The following USP13 variants were observed in gnomAD, a reference collection of about 807,000 sequenced individuals.
USP13 encodes ubiquitin specific peptidase 13, also known as ubiquitin carboxyl-terminal hydrolase 13.
USP13 carries 68 observed loss-of-function variants against 107.8 expected under a neutral mutation model. The observed-to-expected ratio is 0.63, with a 90% CI of 0.52 to 0.77. The LOEUF is 0.77. Ranked by LOEUF, USP13 falls within the 30% of genes least tolerant of loss-of-function variation. USP13 has a pLI of 0.00. For synonymous variants in USP13, 377 were observed against 389.5 expected, an observed-to-expected ratio of 0.97 and a Z score of 0.38; for missense variants, 945 against 1,093.3, an observed-to-expected ratio of 0.86 and a Z score of 1.91.
chr3:179,745,097 C>G lies in USP13; in HGVS notation c.1589C>G (p.Pro530Arg). 1 of 1,614,094 alleles carries G rather than the reference C, an allele frequency of 6.2e-7. No individual in the cohort carries two copies. The highest frequency in any genetic ancestry group is 8.5e-7 in the Non-Finnish European group (1 of 1,180,032). The change falls in exon 13 of 21, where the codon CCC (proline) becomes CGC (arginine). Residue 530 changes from proline (P) to arginine (R), a missense_variant. By Grantham distance (103) the Pro-to-Arg change is moderately radical. Transcript: ENST00000263966. ...TRREAEANRR[P>R]LPELVRAKIP... is the part of the protein sequence containing the mutation. Reference sequence around the variant, plus strand: ...AGGGAAGCAGAAGCAAACAGAAGACCCCTTCCTGAGTTGGTACGTGCCAAG... The same window carrying G: ...AGGGAAGCAGAAGCAAACAGAAGACGCCTTCCTGAGTTGGTACGTGCCAAG...
chr3:179,772,801 G>A (rs567715711), intron 19 of USP13, among the ~76,000 whole-genome samples: 11 of 152,338 alleles, frequency 7.2e-5, no homozygotes, highest in African/African-American at 2.6e-4. Flanking sequence ...CATTGTAACC[G>A]AGAGACTGGT....
intron 17 of USP13, among the ~76,000 whole-genome samples, chr3:179,762,527 G>C (rs1273304174): frequency 6.6e-6 from 1 of 152,194 alleles, no homozygotes; most frequent in Non-Finnish European, 1.5e-5. Flanking sequence ...GTTGCAGTGA[G>C]CTGAGATCAC....
At chr3:179,696,711 C>T in intron 3 of USP13, among the ~76,000 whole-genome samples, 1 of 151,956 alleles carries the variant, frequency 6.6e-6, no homozygotes. Flanking sequence ...GAGAGTTCAG[C>T]TAGAAAGGGA....
chr3:179,682,247 G>A (rs1336205640), intron 2 of USP13, among the ~76,000 whole-genome samples: 18 of 145,498 alleles, frequency 1.2e-4, no homozygotes, highest in Admixed American at 1.4e-4. Context: ...TGACTAATTG[G>A]AAAAAAAAAA....
chr3:179,664,780 C>T (rs1720540090), intron 1 of USP13, among the ~76,000 whole-genome samples: 1 of 152,122 alleles, frequency 6.6e-6, no homozygotes, highest in Non-Finnish European at 1.5e-5. Flanking sequence ...TAGTATGTGC[C>T]TCATGTGGTA....
chr3:179,736,105 G>A lies in USP13; in HGVS notation c.1255-4142G>A, dbSNP rs1044305647. Reference sequence around the variant, plus strand: ...ATTAACAACCATCCCTTAGTATCACGAATACCTAGTCCATCTTCTGATTTT... The same window carrying A: ...ATTAACAACCATCCCTTAGTATCACAAATACCTAGTCCATCTTCTGATTTT... On this transcript the variant is annotated intron_variant, in intron 10 of 20. Transcript: ENST00000263966. Among the ~76,000 whole-genome samples, 22 of 152,154 alleles carry A rather than the reference G, an allele frequency of 1.4e-4. 1 individual carries two copies. The highest frequency in any genetic ancestry group is 4.3e-4 in the African/African-American group (18 of 41,444).
intron 8 of USP13, among the ~76,000 whole-genome samples, chr3:179,728,725 A>T (rs1241039656): frequency 2.0e-5 from 3 of 152,204 alleles, no homozygotes; most frequent in African/African-American, 7.2e-5. Context: ...TCCGTCTGCA[A>T]TCCCGGCACC....
intron 2 of USP13, among the ~76,000 whole-genome samples, chr3:179,688,091 A>G (rs867076095): frequency 6.8e-6 from 1 of 147,982 alleles, no homozygotes; most frequent in African/African-American, 2.6e-5. Context: ...CCATCCATCC[A>G]TCCATCCGTC....
At chr3:179,769,055 A>ACC (rs1325702124) in intron 19 of USP13, among the ~76,000 whole-genome samples, 1 of 152,168 alleles carries the variant, frequency 6.6e-6, no homozygotes, top group African/African-American at 2.4e-5. Flanking sequence ...TATTCTCTAG[A>ACC]CCTTTTTAGA....
chr3:179,680,130 GCCATTACACT>G (rs1182322694), intron 1 of USP13, among the ~76,000 whole-genome samples: 1 of 151,800 alleles, frequency 6.6e-6, no homozygotes, highest in African/African-American at 2.4e-5. Context: ...CCGGGATCCT[GCCATTACACT>G]CCAGCCTGGG....
intron 16 of USP13, among the ~76,000 whole-genome samples, chr3:179,758,585 G>A (rs550904543): frequency 6.6e-6 from 1 of 150,962 alleles, no homozygotes; most frequent in Non-Finnish European, 1.5e-5. Context: ...TGCAAGCTCC[G>A]CCTCCCGGGT....
chr3:179,720,957 T>C lies in USP13; in HGVS notation c.901-445T>C, dbSNP rs542894403. ...CCGAGTAGCTGGGACTAAAGGCATGTGCCACCACACCCAGCTAATTTTTGT... is the reference window on the plus strand; with the variant it reads ...CCGAGTAGCTGGGACTAAAGGCATGCGCCACCACACCCAGCTAATTTTTGT... On this transcript the variant is annotated intron_variant, in intron 7 of 20. Transcript: ENST00000263966. Among the ~76,000 whole-genome samples the C allele has an allele frequency of 1.8e-4, 27 of 152,222 alleles. No homozygotes were observed. The East Asian group carries it at 2.7e-3, about 15-fold the overall frequency.
intron 14 of USP13, among the ~76,000 whole-genome samples, chr3:179,753,321 TC>T (rs1175788361): frequency 6.6e-6 from 1 of 152,190 alleles, no homozygotes; most frequent in African/African-American, 2.4e-5. Flanking sequence ...CTGTTACTGA[TC>T]CTGCAGGAGA....
intron 19 of USP13, among the ~76,000 whole-genome samples, chr3:179,767,497 T>C (rs980514237): frequency 6.6e-6 from 1 of 151,644 alleles, no homozygotes; most frequent in African/African-American, 2.4e-5. Flanking sequence ...CGATCTTGGC[T>C]CACTGCAACC....
At chr3:179,730,294 A>G (rs768637268) in intron 9 of USP13, 34 bp downstream of exon 9, 19 of 1,594,240 alleles carry the variant, frequency 1.2e-5, no homozygotes, top group Non-Finnish European at 1.6e-5. Context: ...TTTTTTCTAG[A>G]AAAAGCATCC....
intron 19 of USP13, among the ~76,000 whole-genome samples, chr3:179,770,773 T>G (rs2108544717): frequency 6.6e-6 from 1 of 152,116 alleles, no homozygotes; most frequent in African/African-American, 2.4e-5. Context: ...CCCAGCTAAT[T>G]TTTATACTGT....
intron 2 of USP13, among the ~76,000 whole-genome samples, chr3:179,683,634 T>G (rs1230352413): frequency 6.6e-6 from 1 of 152,154 alleles, no homozygotes; most frequent in Non-Finnish European, 1.5e-5. Context: ...ATGAGAACAG[T>G]GCAGGAAAGA....
intron 18 of USP13, 59 bp downstream of exon 18, chr3:179,764,227 G>A: frequency 6.5e-7 from 1 of 1,540,108 alleles, no homozygotes; most frequent in Non-Finnish European, 8.7e-7. Context: ...ATTTATTTCT[G>A]TAGCAGTTGA....
At chr3:179,665,322 G>A (rs1472588230) in intron 1 of USP13, among the ~76,000 whole-genome samples, 1 of 152,196 alleles carries the variant, frequency 6.6e-6, no homozygotes, top group African/African-American at 2.4e-5. Flanking sequence ...AACCGCTTGA[G>A]CTAACTCCAA....
Sources: allele counts gnomAD v4.1 joint callset (sites outside exome capture counted in the v4.1 genomes callset), GRCh38; gene constraint gnomAD v4.1.1; transcripts MANE v1.5; gene names NCBI Gene and HGNC (gene_info 2026-07-23, HGNC 2026-07-21).